The following PAX5 variants were observed in gnomAD, a reference collection of about 807,000 sequenced individuals.
PAX5 encodes the protein paired box protein Pax-5.
PAX5 carries 9 observed loss-of-function variants against 43.7 expected under a neutral mutation model. The ratio of observed to expected loss-of-function variants is 0.21; its 90% confidence interval spans 0.12 to 0.36. The LOEUF is 0.36. Ranked by LOEUF, PAX5 falls within the 10% of genes least tolerant of loss-of-function variation. The pLI, the probability that PAX5 is intolerant of heterozygous loss-of-function variation, is 1.00. For synonymous variants in PAX5, 228 were observed against 214.3 expected (o/e 1.06, Z -0.56); for missense variants, 383 against 532.7 (o/e 0.72, Z 2.77).
At chr9:36,880,314 G>C (rs1226354549) in intron 8 of PAX5, among the ~76,000 whole-genome samples, 2 of 152,246 alleles carry the variant, frequency 1.3e-5, no homozygotes, top group Non-Finnish European at 2.9e-5. Flanking sequence ...TCTCGACAGA[G>C]AGCCGGGCCT....
At chr9:36,955,206 TGC>T (rs1833343661) in intron 6 of PAX5, among the ~76,000 whole-genome samples, 1 of 152,176 alleles carries the variant, frequency 6.6e-6, no homozygotes, top group Admixed American at 6.5e-5. Context: ...ATACTCATTT[TGC>T]CCGTTATGTC....
chr9:36,850,227 C>T (rs1175370796), intron 8 of PAX5, among the ~76,000 whole-genome samples: 2 of 152,216 alleles, frequency 1.3e-5, no homozygotes, highest in Non-Finnish European at 2.9e-5. Context: ...ATGCTTTTCT[C>T]TCATTAGGGC....
intron 1 of PAX5, 85 bp from the exon 2 acceptor site, chr9:37,020,886 C>G: frequency 7.0e-7 from 1 of 1,429,694 alleles, no homozygotes; most frequent in East Asian, 2.3e-5. Flanking sequence ...GGACCCAGAG[C>G]CCCTCTGATC....
At chr9:36,860,514 C>T (rs1447719413) in intron 8 of PAX5, among the ~76,000 whole-genome samples, 2 of 152,142 alleles carry the variant, frequency 1.3e-5, no homozygotes, top group African/African-American at 4.8e-5. Flanking sequence ...GGACTCGGTA[C>T]TCAGTGTGCA....
At chr9:36,959,066 T>C (rs1410975571) in intron 6 of PAX5, among the ~76,000 whole-genome samples, 1 of 152,256 alleles carries the variant, frequency 6.6e-6, no homozygotes, top group Non-Finnish European at 1.5e-5. Flanking sequence ...GCTCCTGTGA[T>C]GCAGACTGAC....
At position 36,878,908 on chromosome 9, in the gene PAX5, T is replaced by A. The variant is rs538980452; in HGVS notation, c.1012+3096A>T. Among the ~76,000 whole-genome samples, 8 of 152,150 alleles carry A rather than the reference T, an allele frequency of 5.3e-5. No homozygotes were observed. The East Asian group carries it at 1.5e-3, about 29-fold the overall frequency. ...ATGGCACTGAATAAATGCTGGGAGA[T>A]GCATGAGAAGAGACAGCAAGGAGGC... On this transcript the variant is annotated intron_variant, in intron 8 of 9. Transcript: ENST00000358127.
Position 36,840,730 on chromosome 9 carries a change from C to T in PAX5, c.1100-94G>A, listed in dbSNP as rs12337859. ...TGTCCTTTCCTCCCCTCACTCAGTC[C>T]GGGCCACCATCCTCTCTCACCAAGA... On this transcript the variant is annotated intron_variant, in intron 9 of 9. Coordinates refer to ENST00000358127, the MANE Select transcript of PAX5 (RefSeq NM_016734.3). 9.8e-5 allele frequency: 73 copies of T among 742,906 alleles called. No individual in the cohort carries two copies. In the African/African-American group the frequency reaches 1.0e-3, roughly 10 times the overall value. The allele number at this position is 742,906 out of a possible 1,614,324, so 46.0% of individuals were successfully genotyped here.
chr9:36,856,914 C>T (rs554750331), intron 8 of PAX5, among the ~76,000 whole-genome samples: 18 of 152,210 alleles, frequency 1.2e-4, no homozygotes, highest in Non-Finnish European at 2.4e-4. Flanking sequence ...GATGCTTGGC[C>T]TGGAAACCCG....
chr9:36,915,008 C>T (rs1180950807), intron 7 of PAX5, among the ~76,000 whole-genome samples: 2 of 152,146 alleles, frequency 1.3e-5, no homozygotes, highest in Admixed American at 6.5e-5. Flanking sequence ...TTAGTGGCTG[C>T]ATAGTATTTT....
intron 6 of PAX5, among the ~76,000 whole-genome samples, chr9:36,939,231 G>C (rs1831817684): frequency 2.0e-5 from 3 of 152,150 alleles, no homozygotes; most frequent in African/African-American, 7.2e-5. Flanking sequence ...TTCTAAACTG[G>C]CCCTTTCATG....
intron 6 of PAX5, among the ~76,000 whole-genome samples, chr9:36,953,165 C>A (rs1833153426): frequency 1.3e-5 from 2 of 152,082 alleles, no homozygotes; most frequent in Non-Finnish European, 2.9e-5. Flanking sequence ...ATATGTCACT[C>A]CACTCTCTTC....
intron 7 of PAX5, among the ~76,000 whole-genome samples, chr9:36,904,247 T>C (rs1414467235): frequency 6.6e-6 from 1 of 152,200 alleles, no homozygotes; most frequent in Non-Finnish European, 1.5e-5. Flanking sequence ...CCTCTCTAGC[T>C]GTTCAGGATT....
chr9:36,921,562 T>C (rs1177594319), intron 7 of PAX5, among the ~76,000 whole-genome samples: 1 of 152,208 alleles, frequency 6.6e-6, no homozygotes, highest in African/African-American at 2.4e-5. Context: ...AGTTTCTCTA[T>C]TTGTGAAATG....
rs373263187 is a variant in PAX5, at chr9:36,918,961, T to C, written c.910+4394A>G. 4.6e-5 allele frequency among the ~76,000 whole-genome samples: 7 copies of C among 152,202 alleles called. No homozygotes were observed. In the East Asian group the frequency reaches 9.6e-4, roughly 21 times the overall value. On this transcript the variant is annotated intron_variant, in intron 7 of 9. Coordinates refer to ENST00000358127, the MANE Select transcript of PAX5 (RefSeq NM_016734.3). ...AGATTTTCAATATAGACCACTCTTA[T>C]ACTGAAAAAAGATGCCATCTAGGAC...
chr9:37,001,536 G>A (rs1837850792), intron 5 of PAX5, among the ~76,000 whole-genome samples: 1 of 152,204 alleles, frequency 6.6e-6, no homozygotes. Flanking sequence ...GGCAAGGCAG[G>A]TTCCAAAAGC....
chr9:36,919,670 G>A (rs967461931), intron 7 of PAX5, among the ~76,000 whole-genome samples: 7 of 151,830 alleles, frequency 4.6e-5, no homozygotes, highest in Middle Eastern at 6.8e-3. Flanking sequence ...GTGAAACTCC[G>A]TCTCTACTAA....
chr9:36,874,147 G>A (rs1211180025), intron 8 of PAX5, among the ~76,000 whole-genome samples: 1 of 152,146 alleles, frequency 6.6e-6, no homozygotes, highest in South Asian at 2.1e-4. Flanking sequence ...ATCTCACACA[G>A]GCGGTGTCTC....
intron 7 of PAX5, among the ~76,000 whole-genome samples, chr9:36,891,255 A>G (rs1827353128): frequency 6.6e-6 from 1 of 152,282 alleles, no homozygotes; most frequent in Non-Finnish European, 1.5e-5. Flanking sequence ...AAAGGTGAAC[A>G]ATGCCAAAGA....
At chr9:36,944,106 C>A (rs1018406274) in intron 6 of PAX5, among the ~76,000 whole-genome samples, 2 of 152,254 alleles carry the variant, frequency 1.3e-5, no homozygotes, top group South Asian at 4.1e-4. Flanking sequence ...ATTGCTTGTG[C>A]CCCGGAGTTC....
Sources: gnomAD v4.1 joint callset for allele counts (sites outside exome capture counted in the v4.1 genomes callset) on GRCh38, gnomAD v4.1.1 for gene constraint, MANE v1.5 for transcripts, NCBI Gene and HGNC (gene_info 2026-07-23, HGNC 2026-07-21) for gene names.